Variants in IKZF1 observed in about 807,000 individuals in gnomAD.
The protein encoded by IKZF1 is IKAROS family zinc finger 1.
A neutral mutation model predicts 51.7 loss-of-function variants in IKZF1; 10 were observed. The ratio of observed to expected loss-of-function variants is 0.19; its 90% CI spans 0.12 to 0.33. The LOEUF (loss-of-function observed/expected upper bound fraction) is 0.33, where lower values mean the gene tolerates loss of function less well. Ranked by LOEUF, IKZF1 falls within the 10% of genes least tolerant of loss-of-function variation. The pLI, the probability that IKZF1 is intolerant of heterozygous loss-of-function variation, is 1.00. For synonymous variants in IKZF1, 280 were observed against 282.3 expected (o/e 0.99, Z 0.08); for missense variants, 484 against 707.5 (o/e 0.68, Z 3.58).
At chr7:50,393,441 A>G (rs564750551) in intron 7 of IKZF1, among the ~76,000 whole-genome samples, 2 of 152,138 alleles carry the variant, frequency 1.3e-5, no homozygotes, top group East Asian at 1.9e-4. Flanking sequence ...ATGAAGGGGG[A>G]AGGACAGAGG....
Position 50,402,468 on chromosome 7 carries a change from A to G in IKZF1, c.*1841A>G, listed in dbSNP as rs77463182. The G allele has an allele frequency of 0.061, 14,117 of 231,236 alleles. 623 individuals are homozygous for G. Among genetic ancestry groups the G allele is most frequent in the South Asian group, 0.09 (497 of 5,494 alleles). 14.3% of individuals were successfully genotyped at this position (231,236 alleles called of 1,614,324 possible). On this transcript the variant is annotated 3_prime_UTR_variant, in exon 8 of 8. Coordinates refer to ENST00000331340, the MANE Select transcript of IKZF1 (RefSeq NM_006060.6). ...AACCCAAACTCTCCAGACATCACCAACTGTCCCCTGCGAGGAGAAATCACT... is the reference window on the plus strand; with the variant it reads ...AACCCAAACTCTCCAGACATCACCAGCTGTCCCCTGCGAGGAGAAATCACT...
intron 5 of IKZF1, among the ~76,000 whole-genome samples, chr7:50,386,239 A>G (rs1350138942): frequency 6.6e-6 from 1 of 152,234 alleles, no homozygotes; most frequent in African/African-American, 2.4e-5. Context: ...TTCCTAAAAT[A>G]TCACTCAATA....
At chr7:50,331,650 G>A (rs1411769834) in intron 3 of IKZF1, among the ~76,000 whole-genome samples, 1 of 151,986 alleles carries the variant, frequency 6.6e-6, no homozygotes, top group African/African-American at 2.4e-5. Context: ...CTATGAGGAG[G>A]GTGCAAAGTT....
chr7:50,315,454 G>A (rs796632219), intron 1 of IKZF1, among the ~76,000 whole-genome samples: 8 of 152,300 alleles, frequency 5.3e-5, no homozygotes, highest in African/African-American at 1.7e-4. Context: ...CTTCTGTCAC[G>A]TTGGCCCTGC....
chr7:50,337,617 TGA>T (rs1422822917), intron 3 of IKZF1, among the ~76,000 whole-genome samples: 8 of 152,344 alleles, frequency 5.3e-5, no homozygotes, highest in Non-Finnish European at 1.0e-4. Flanking sequence ...AGGTGCTGTC[TGA>T]TACATTGGTA....
At chr7:50,391,103 A>G (rs939223004) in intron 6 of IKZF1, among the ~76,000 whole-genome samples, 1 of 152,228 alleles carries the variant, frequency 6.6e-6, no homozygotes, top group Non-Finnish European at 1.5e-5. Flanking sequence ...ATGACATAGA[A>G]CAATTGAGAA....
intron 1 of IKZF1, among the ~76,000 whole-genome samples, chr7:50,313,325 C>A (rs140685668): frequency 6.6e-6 from 1 of 152,168 alleles, no homozygotes; most frequent in Non-Finnish European, 1.5e-5. Flanking sequence ...TCAATATAAG[C>A]ATCATTGAGT....
chr7:50,333,769 C>T (rs1796941961), intron 3 of IKZF1, among the ~76,000 whole-genome samples: 1 of 152,064 alleles, frequency 6.6e-6, no homozygotes, highest in Non-Finnish European at 1.5e-5. Context: ...AGTTCCTTTC[C>T]CCCTTCATAG....
At chr7:50,335,198 GGA>G (rs1797369459) in intron 3 of IKZF1, among the ~76,000 whole-genome samples, 3 of 147,938 alleles carry the variant, frequency 2.0e-5, no homozygotes, top group South Asian at 2.2e-4. Context: ...TGTGTGGTGT[GGA>G]TATGTATATG....
At chr7:50,319,946 G>A (rs963638514) in intron 2 of IKZF1, among the ~76,000 whole-genome samples, 7 of 152,194 alleles carry the variant, frequency 4.6e-5, no homozygotes, top group African/African-American at 1.7e-4. Flanking sequence ...GGACCTATGT[G>A]TGGCTGCTCC....
chr7:50,323,573 C>T (rs1794018860), intron 2 of IKZF1, among the ~76,000 whole-genome samples: 1 of 152,128 alleles, frequency 6.6e-6, no homozygotes, highest in African/African-American at 2.4e-5. Context: ...GAAACATAGG[C>T]CATAGGTAAG....
intron 1 of IKZF1, among the ~76,000 whole-genome samples, chr7:50,315,246 C>T (rs1163624991): frequency 2.6e-5 from 4 of 151,890 alleles, no homozygotes; most frequent in Non-Finnish European, 4.4e-5. Flanking sequence ...CAAAGGGAGA[C>T]GGAGGGAGGG....
chr7:50,309,360 T>C (rs1391971034), intron 1 of IKZF1, among the ~76,000 whole-genome samples: 1 of 152,168 alleles, frequency 6.6e-6, no homozygotes, highest in Non-Finnish European at 1.5e-5. Flanking sequence ...GGATCCAATG[T>C]GGTCTTGTCT....
chr7:50,360,730 C>A (rs12718597), intron 3 of IKZF1, among the ~76,000 whole-genome samples: 48,796 of 152,226 alleles, frequency 0.32, 8,258 homozygotes, highest in Middle Eastern at 0.4. Flanking sequence ...TGACGACTGC[C>A]GAGCTCCGCA....
intron 3 of IKZF1, among the ~76,000 whole-genome samples, chr7:50,363,366 G>A (rs1805836290): frequency 6.6e-6 from 1 of 152,174 alleles, no homozygotes; most frequent in African/African-American, 2.4e-5. Flanking sequence ...CCTGCATGGT[G>A]TGACCCTTGA....
intron 6 of IKZF1, among the ~76,000 whole-genome samples, chr7:50,388,290 A>G (rs752965272): frequency 6.6e-6 from 1 of 152,252 alleles, no homozygotes. Flanking sequence ...CTAGACTGTG[A>G]GTCGAAATTT....
At chr7:50,303,510 G>A (rs1479699383), upstream of IKZF1, among the ~76,000 whole-genome samples, 5 of 152,204 alleles carry the variant, frequency 3.3e-5, no homozygotes, top group Non-Finnish European at 5.9e-5. The surrounding 1 kb of genome is among the most constrained non-coding windows in gnomAD (Gnocchi z 4.7). Context: ...AACTTCTGCC[G>A]TGAGCAGGTG....
intron 3 of IKZF1, among the ~76,000 whole-genome samples, chr7:50,359,707 A>C (rs1804649729): frequency 6.6e-6 from 1 of 152,212 alleles, no homozygotes; most frequent in East Asian, 1.9e-4. Context: ...AGTGCACCAG[A>C]CCAGATGCAC....
chr7:50,353,726 C>A (rs1802484935), intron 3 of IKZF1, among the ~76,000 whole-genome samples: 1 of 152,166 alleles, frequency 6.6e-6, no homozygotes, highest in Non-Finnish European at 1.5e-5. Context: ...CTCTTTTCAG[C>A]GAATCTCTAG....
Sources: gnomAD v4.1 joint callset for allele counts (sites outside exome capture counted in the v4.1 genomes callset) on GRCh38, gnomAD v4.1.1 for gene constraint, Gnocchi (gnomAD v3.1) non-coding constraint, MANE v1.5 for transcripts, NCBI Gene and HGNC (gene_info 2026-07-23, HGNC 2026-07-21) for gene names.